The following SAMMSON variants were observed in gnomAD, a reference collection of about 807,000 sequenced individuals.
SAMMSON encodes the protein survival associated mitochondrial melanoma specific oncogenic non-coding RNA, also known as long intergenic non-protein coding RNA 1212.
intron 9 of SAMMSON, among the ~76,000 whole-genome samples, chr3:70,366,863 G>A (rs926770475): frequency 2.6e-5 from 4 of 151,434 alleles, no homozygotes; most frequent in African/African-American, 9.7e-5. Context: ...TTGAATTATA[G>A]CCATTCTAAT....
intron 3 of SAMMSON, among the ~76,000 whole-genome samples, chr3:70,038,787 T>C (rs1028087831): frequency 6.6e-6 from 1 of 152,098 alleles, no homozygotes; most frequent in Admixed American, 6.6e-5. Context: ...ACTGAATGAA[T>C]AGAAACAATT....
At chr3:70,171,042 C>T (rs531300552) in intron 4 of SAMMSON, among the ~76,000 whole-genome samples, 1 of 151,896 alleles carries the variant, frequency 6.6e-6, no homozygotes, top group East Asian at 1.9e-4. Context: ...GAAAAATCAT[C>T]GGAGGGCAGA....
At chr3:70,177,712 T>C (rs1701018315) in intron 4 of SAMMSON, among the ~76,000 whole-genome samples, 1 of 152,152 alleles carries the variant, frequency 6.6e-6, no homozygotes, top group South Asian at 2.1e-4. Context: ...AGTTATCCCA[T>C]GAGGAAGATT....
At chr3:70,121,998 G>A (rs1376103966) in intron 4 of SAMMSON, among the ~76,000 whole-genome samples, 1 of 152,222 alleles carries the variant, frequency 6.6e-6, no homozygotes, top group Non-Finnish European at 1.5e-5. Flanking sequence ...CCAGGGTCTC[G>A]ACAGACCTGG....
At chr3:70,399,353 A>G (rs985468775) in intron 2 of SAMMSON, among the ~76,000 whole-genome samples, 11 of 152,176 alleles carry the variant, frequency 7.2e-5, no homozygotes, top group African/African-American at 2.7e-4. Flanking sequence ...GTGGGTCACA[A>G]AAGTATGAAA....
chr3:70,302,013 G>A (rs1404955156), intron 7 of SAMMSON, among the ~76,000 whole-genome samples: 1 of 151,986 alleles, frequency 6.6e-6, no homozygotes, highest in Admixed American at 6.6e-5. Flanking sequence ...ATCCATATTG[G>A]TGTGGAAATT....
chr3:70,315,457 T>G (rs1022020418), intron 7 of SAMMSON, among the ~76,000 whole-genome samples: 4 of 152,182 alleles, frequency 2.6e-5, no homozygotes, highest in Admixed American at 6.6e-5. Context: ...CTGTAGGTAT[T>G]AATTAGCATA....
At chr3:70,241,637 G>T (rs1027782973) in intron 4 of SAMMSON, among the ~76,000 whole-genome samples, 1 of 152,132 alleles carries the variant, frequency 6.6e-6, no homozygotes, top group African/African-American at 2.4e-5. Context: ...CAAGTTCACA[G>T]ACTCAGAAAG....
At chr3:70,289,429 G>T (rs1367361503) in intron 6 of SAMMSON, among the ~76,000 whole-genome samples, 1 of 149,468 alleles carries the variant, frequency 6.7e-6, no homozygotes, top group East Asian at 2.0e-4. Context: ...CGAGAGATCC[G>T]CTGTTAGTCT....
intron 9 of SAMMSON, among the ~76,000 whole-genome samples, chr3:70,368,333 T>G (rs1702937166): frequency 6.6e-6 from 1 of 151,410 alleles, no homozygotes; most frequent in East Asian, 1.9e-4. Flanking sequence ...TAATAGTAAA[T>G]AAATAAAACT....
chr3:70,331,754 C>T (rs1322154990), intron 7 of SAMMSON, among the ~76,000 whole-genome samples: 1 of 152,140 alleles, frequency 6.6e-6, no homozygotes, highest in African/African-American at 2.4e-5. Context: ...TTTATCTAGA[C>T]TATTAATGAG....
At chr3:70,277,000 T>TCA (rs1702033638) in intron 6 of SAMMSON, among the ~76,000 whole-genome samples, 1 of 152,182 alleles carries the variant, frequency 6.6e-6, no homozygotes, top group Non-Finnish European at 1.5e-5. Flanking sequence ...AAGGAACTCT[T>TCA]CACACACACA....
intron 2 of SAMMSON, among the ~76,000 whole-genome samples, chr3:70,417,564 T>A (rs925053590): frequency 2.6e-5 from 4 of 152,178 alleles, no homozygotes; most frequent in Admixed American, 2.6e-4. Flanking sequence ...CCAAGAATGA[T>A]CAGAACTTCA....
At chr3:70,421,537 A>G (rs1043770361) in intron 2 of SAMMSON, among the ~76,000 whole-genome samples, 2 of 152,154 alleles carry the variant, frequency 1.3e-5, no homozygotes, top group African/African-American at 4.8e-5. Context: ...AATCAGGTCC[A>G]GCCAATCAGA....
At chr3:70,226,386 C>T (rs1035645479) in intron 4 of SAMMSON, among the ~76,000 whole-genome samples, 2 of 152,122 alleles carry the variant, frequency 1.3e-5, no homozygotes, top group Non-Finnish European at 2.9e-5. Context: ...ATTTCCTATT[C>T]TGTTGGGTAT....
At chr3:70,269,113 A>C (rs541947127) in intron 6 of SAMMSON, among the ~76,000 whole-genome samples, 1 of 152,330 alleles carries the variant, frequency 6.6e-6, no homozygotes, top group East Asian at 1.9e-4. Flanking sequence ...AAAGAGTGGA[A>C]TAATAATATT....
chr3:70,307,193 G>T (rs905261686), intron 7 of SAMMSON, among the ~76,000 whole-genome samples: 7 of 152,032 alleles, frequency 4.6e-5, no homozygotes, highest in African/African-American at 1.7e-4. Flanking sequence ...TATTGTTGTT[G>T]TTTTGGTGGT....
chr3:70,026,462 G>A (rs770039408), intron 3 of SAMMSON, among the ~76,000 whole-genome samples: 1 of 152,006 alleles, frequency 6.6e-6, no homozygotes, highest in Non-Finnish European at 1.5e-5. Context: ...ATTTCCTGCT[G>A]GTTAGTAAAG....
At chr3:70,232,592 G>C (rs1701570799) in intron 4 of SAMMSON, among the ~76,000 whole-genome samples, 1 of 151,870 alleles carries the variant, frequency 6.6e-6, no homozygotes, top group Non-Finnish European at 1.5e-5. Context: ...TAGAGACGGG[G>C]TTTCACTGTG....
Sources: gnomAD v4.1 joint callset for allele counts (sites outside exome capture counted in the v4.1 genomes callset) on GRCh38, gnomAD v4.1.1 for gene constraint, MANE v1.5 for transcripts, NCBI Gene and HGNC (gene_info 2026-07-23, HGNC 2026-07-21) for gene names.